PROS1: variants seen among roughly 807,000 people sequenced by gnomAD.
The protein encoded by PROS1 is vitamin K-dependent protein S.
A neutral mutation model predicts 75.9 loss-of-function variants in PROS1; 29 were observed. That is an observed-to-expected ratio of 0.38 (90% CI 0.28 to 0.52). The LOEUF (loss-of-function observed/expected upper bound fraction) is 0.52. PROS1 is among the 20% of genes least tolerant of loss of function. The pLI, the probability that PROS1 is intolerant of heterozygous loss-of-function variation, is 0.83. For synonymous variants in PROS1, 245 were observed against 280.6 expected (o/e 0.87, Z 1.27); for missense variants, 680 against 810.3 (o/e 0.84, Z 1.95).
intron 1 of PROS1, among the ~76,000 whole-genome samples, chr3:93,939,411 T>C (rs2107222501): frequency 6.6e-6 from 1 of 151,996 alleles, no homozygotes; most frequent in South Asian, 2.1e-4. Context: ...CAATCTGATC[T>C]CTCCCCTCTT....
intron 3 of PROS1, among the ~76,000 whole-genome samples, chr3:93,915,194 C>T (rs1173841314): frequency 2.6e-5 from 4 of 152,272 alleles, no homozygotes; most frequent in African/African-American, 7.2e-5. Flanking sequence ...AGGCTGGGCA[C>T]GGTAGCTCAT....
At chr3:93,927,619 G>A (rs1281663398) in intron 1 of PROS1, among the ~76,000 whole-genome samples, 2 of 151,858 alleles carry the variant, frequency 1.3e-5, no homozygotes, top group Non-Finnish European at 2.9e-5. Context: ...GCCCTTGTAT[G>A]ATGGTCTACA....
chr3:93,905,757 G>C, intron 6 of PROS1, 27 bp downstream of exon 6: 1 of 1,606,062 alleles, frequency 6.2e-7, no homozygotes, highest in Non-Finnish European at 8.5e-7. Flanking sequence ...TAGTAAATGT[G>C]TTTTAATTCT....
At chr3:93,920,668 G>A (rs1708933965) in intron 3 of PROS1, among the ~76,000 whole-genome samples, 1 of 152,020 alleles carries the variant, frequency 6.6e-6, no homozygotes, top group African/African-American at 2.4e-5. Flanking sequence ...TGCATTGAAT[G>A]TAACCTCCAG....
chr3:93,928,722 T>A (rs577895925), intron 1 of PROS1: 5 of 1,287,050 alleles, frequency 3.9e-6, no homozygotes, highest in African/African-American at 3.1e-5. Context: ...ATAGAAAAAA[T>A]TGCATCCAGA....
intron 3 of PROS1, among the ~76,000 whole-genome samples, chr3:93,917,448 G>C (rs558593006): frequency 6.6e-6 from 1 of 152,160 alleles, no homozygotes. Context: ...AGGTGACAGC[G>C]TGCTGGCAGC....
At chr3:93,918,592 C>T (rs1163966764) in intron 3 of PROS1, among the ~76,000 whole-genome samples, 1 of 152,154 alleles carries the variant, frequency 6.6e-6, no homozygotes. Context: ...CCTTTAAGAA[C>T]TGTAACACTC....
intron 1 of PROS1, among the ~76,000 whole-genome samples, chr3:93,972,713 G>C (rs1453425894): frequency 6.6e-6 from 1 of 151,464 alleles, no homozygotes; most frequent in Non-Finnish European, 1.5e-5. Flanking sequence ...GCCGGGTGTC[G>C]AAGCAGGCAC....
intron 1 of PROS1, among the ~76,000 whole-genome samples, chr3:93,961,857 G>A (rs890967247): frequency 2.0e-5 from 3 of 152,098 alleles, no homozygotes; most frequent in African/African-American, 7.2e-5. Context: ...TGAAAAGCCA[G>A]ACATTCCTTG....
chr3:93,938,415 T>A (rs927122321), intron 1 of PROS1, among the ~76,000 whole-genome samples: 2 of 152,138 alleles, frequency 1.3e-5, no homozygotes, highest in African/African-American at 4.8e-5. Flanking sequence ...GCCTGTTTGG[T>A]GGTCTCTTCA....
rs1057346693 is a variant in PROS1, at chr3:93,949,875, A to AG, written c.77-22469dup. Among the ~76,000 whole-genome samples, 30 of 152,202 alleles carry AG rather than the reference A, an allele frequency of 2.0e-4. No individual in the cohort carries two copies. In the East Asian group the frequency reaches 4.8e-3, roughly 25 times the overall value. On this transcript the variant is annotated intron_variant, in intron 1 of 14. Coordinates refer to ENST00000394236, the MANE Select transcript of PROS1 (RefSeq NM_000313.4). ...CAGCCCACAGAGTGTGAGCCAAAGC[A>AG]GGGGGGGCATTGCCTCACCCGGGAA...
intron 12 of PROS1, among the ~76,000 whole-genome samples, chr3:93,882,566 C>T (rs1369958579): frequency 6.6e-6 from 1 of 152,194 alleles, no homozygotes; most frequent in Non-Finnish European, 1.5e-5. Flanking sequence ...AGAATGAGAA[C>T]ACTTTCTAAT....
chr3:93,961,202 A>G (rs1709701576), intron 1 of PROS1, among the ~76,000 whole-genome samples: 1 of 152,180 alleles, frequency 6.6e-6, no homozygotes, highest in Non-Finnish European at 1.5e-5. Context: ...TGAAAAGGCC[A>G]TAGGGGAGAA....
chr3:93,879,738 G>A (rs1708247863), intron 12 of PROS1, among the ~76,000 whole-genome samples: 1 of 152,118 alleles, frequency 6.6e-6, no homozygotes, highest in African/African-American at 2.4e-5. Flanking sequence ...TCACTCCAAA[G>A]GATAAATATG....
intron 10 of PROS1, among the ~76,000 whole-genome samples, chr3:93,886,979 C>T (rs1332890952): frequency 6.8e-6 from 1 of 146,684 alleles, no homozygotes; most frequent in Non-Finnish European, 1.5e-5. Context: ...ACTGCAGTGG[C>T]GCAATCTCGG....
At chr3:93,924,775 A>G (rs1372422861) in intron 2 of PROS1, among the ~76,000 whole-genome samples, 1 of 150,286 alleles carries the variant, frequency 6.7e-6, no homozygotes, top group Non-Finnish European at 1.5e-5. Flanking sequence ...TAATCCTCCC[A>G]TCTCAGCCCC....
intron 13 of PROS1, 98 bp downstream of exon 13, chr3:93,879,065 T>A (rs1708237486): frequency 8.1e-7 from 1 of 1,233,678 alleles, no homozygotes; most frequent in African/African-American, 1.5e-5. Context: ...TTACTTTATT[T>A]AATCTTCAAA....
intron 6 of PROS1, among the ~76,000 whole-genome samples, chr3:93,901,139 T>C (rs1576184317): frequency 1.3e-5 from 2 of 152,224 alleles, no homozygotes; most frequent in East Asian, 3.8e-4. Context: ...ATTTGATTGA[T>C]GTTTGCCATG....
rs8178655 is a variant in PROS1, at chr3:93,961,448, G to T, written c.76+12226C>A. On this transcript the variant is annotated intron_variant, in intron 1 of 14. Coordinates refer to ENST00000394236, the MANE Select transcript of PROS1 (RefSeq NM_000313.4). ...TGGTGAGAGGTCTCAGGAGCTGAGG[G>T]CCTCAATCCTACACTTGTGAGGAAC... Among the ~76,000 whole-genome samples the T allele has an allele frequency of 1.1e-3, 162 of 152,288 alleles. 2 individuals carry two copies. The highest frequency in any genetic ancestry group is 1.9e-3 in the Non-Finnish European group (127 of 68,018).
Sources: gnomAD v4.1 joint callset for allele counts (sites outside exome capture counted in the v4.1 genomes callset) on GRCh38, gnomAD v4.1.1 for gene constraint, MANE v1.5 for transcripts, NCBI Gene and HGNC (gene_info 2026-07-23, HGNC 2026-07-21) for gene names.